The following KLF17 variants were observed in gnomAD, a reference collection of about 807,000 sequenced individuals.
KLF17 encodes Krueppel-like factor 17.
A neutral mutation model predicts 34.2 loss-of-function variants in KLF17; 31 were observed. The observed-to-expected ratio is 0.91, with a 90% CI of 0.68 to 1.22. The LOEUF (loss-of-function observed/expected upper bound fraction) is 1.22. KLF17 is among the 50% of genes most tolerant of loss of function. The pLI, the probability that KLF17 is intolerant of heterozygous loss-of-function variation, is 0.00. For missense variants in KLF17, 478 were observed against 505.2 expected (o/e 0.95, Z 0.52); for synonymous variants, 179 against 186.7 (o/e 0.96, Z 0.34).
the KLF17 span, among the ~76,000 whole-genome samples, chr1:44,050,778 G>A: frequency 1.3e-5 from 2 of 152,164 alleles, no homozygotes; most frequent in African/African-American, 2.4e-5. Flanking sequence ...TTAGCCAGGC[G>A]TGGTGGTGTG....
the KLF17 span, among the ~76,000 whole-genome samples, chr1:44,063,959 G>C: frequency 6.6e-6 from 1 of 152,168 alleles, no homozygotes; most frequent in African/African-American, 2.4e-5. Flanking sequence ...CGGGAGGATT[G>C]AGTGCAATTC....
chr1:44,089,865 G>T, the KLF17 span, among the ~76,000 whole-genome samples: 4 of 152,042 alleles, frequency 2.6e-5, no homozygotes, highest in African/African-American at 9.7e-5. Context: ...GTTGAGTAGT[G>T]TGATAGACAG....
At chr1:44,055,138 G>C in the KLF17 span, among the ~76,000 whole-genome samples, 6 of 152,152 alleles carry the variant, frequency 3.9e-5, no homozygotes, top group Non-Finnish European at 7.4e-5. Context: ...GGCTTAAAGG[G>C]GAGTCTGAGA....
the KLF17 span, among the ~76,000 whole-genome samples, chr1:44,109,122 T>C: frequency 6.6e-6 from 1 of 152,172 alleles, no homozygotes; most frequent in Non-Finnish European, 1.5e-5. Flanking sequence ...GTTATAAAAA[T>C]GAAGCTGCAA....
chr1:44,122,081 T>C, intron 1 of KLF17: 1 of 923,092 alleles, frequency 1.1e-6, no homozygotes, highest in Non-Finnish European at 1.7e-6. Flanking sequence ...TATTAAAAAC[T>C]GACATAAACA....
At chr1:44,099,278 C>T in the KLF17 span, among the ~76,000 whole-genome samples, 1 of 151,780 alleles carries the variant, frequency 6.6e-6, no homozygotes, top group African/African-American at 2.4e-5. Context: ...GTGGCTCACA[C>T]CTGTGGTACC....
At position 44,130,133 on chromosome 1, in the gene KLF17, G is replaced by C. The variant is rs766222742; in HGVS notation, c.862G>C (p.Glu288Gln). Reference protein sequence around the residue: ...SEARPYCCNYENCGKAYTKRS... With the variant: ...SEARPYCCNYQNCGKAYTKRS... ...GGCAAGGCCTTACTGCTGCAACTAC[G>C]AGAACTGCGGAAAAGCTTATACCAA... Residue 288 changes from glutamate (E) to glutamine (Q), a missense_variant, in exon 2 of 4, where the codon GAG becomes CAG. Physicochemically the swap from Glu to Gln is conservative, Grantham distance 29. Transcript: ENST00000372299. 4.3e-6 allele frequency: 7 copies of C among 1,614,086 alleles called. No individual in the cohort carries two copies. Among genetic ancestry groups the C allele is most frequent in the East Asian group, 2.2e-5 (1 of 44,896 alleles).
At chr1:44,105,507 T>C in the KLF17 span, 48,361 of 151,994 alleles carry the variant, frequency 0.32, 7,841 homozygotes, top group South Asian at 0.36. Flanking sequence ...CAGTGTGGCC[T>C]GGGAAAGGTG....
chr1:44,058,021 C>G, the KLF17 span, among the ~76,000 whole-genome samples: 1 of 152,160 alleles, frequency 6.6e-6, no homozygotes, highest in Non-Finnish European at 1.5e-5. Flanking sequence ...GAACAGAAAA[C>G]GCATTAGAAG....
At position 44,129,680 on chromosome 1, in the gene KLF17, G is replaced by C. The variant is rs200960950; in HGVS notation, c.409G>C (p.Glu137Gln). The change falls in exon 2 of 4, where the codon GAG (glutamate) becomes CAG (glutamine). Residue 137 changes from glutamate to glutamine, a missense_variant. Transcript: ENST00000372299. ...TGGGCCCCAACTAATGCCCGTAGGA[G>C]AGCCCAATATTCCAAGGGTAGCCAG... ...FSGPQLMPVG[E>Q]PNIPRVARPF... is the part of the protein sequence containing the mutation. 192 of 1,614,082 alleles carry C rather than the reference G, an allele frequency of 1.2e-4. 1 individual carries two copies. The highest frequency in any genetic ancestry group is 5.5e-5 in the Non-Finnish European group (65 of 1,180,042).
the KLF17 span, among the ~76,000 whole-genome samples, chr1:44,052,870 A>G: frequency 6.6e-6 from 1 of 152,098 alleles, no homozygotes; most frequent in Non-Finnish European, 1.5e-5. Context: ...GTTCTATATA[A>G]ATTGGCAAGC....
At chr1:44,082,575 C>T in the KLF17 span, among the ~76,000 whole-genome samples, 3 of 152,154 alleles carry the variant, frequency 2.0e-5, no homozygotes, top group African/African-American at 7.2e-5. Context: ...AGAACAGATT[C>T]AACACTCAGA....
chr1:44,054,812 C>CTCTG, the KLF17 span, among the ~76,000 whole-genome samples: 1 of 123,414 alleles, frequency 8.1e-6, no homozygotes, highest in Non-Finnish European at 1.6e-5. Context: ...CGGAGTCTTA[C>CTCTG]TCTGTCACCC....
chr1:44,058,946 C>G, the KLF17 span, among the ~76,000 whole-genome samples: 3 of 152,036 alleles, frequency 2.0e-5, no homozygotes, highest in Admixed American at 6.5e-5. Flanking sequence ...CACAATCAAC[C>G]AGGAGACTTA....
chr1:44,087,802 GCATATATAAACACACACACACACA>G, the KLF17 span, among the ~76,000 whole-genome samples: 3 of 60,328 alleles, frequency 5.0e-5, no homozygotes, highest in Non-Finnish European at 7.5e-5. Flanking sequence ...ACACACACAC[GCATATATAAACACACACACACACA>G]CATATATATA....
At chr1:44,089,722 G>A in the KLF17 span, among the ~76,000 whole-genome samples, 231 of 152,240 alleles carry the variant, frequency 1.5e-3, no homozygotes, top group African/African-American at 5.2e-3. Flanking sequence ...TGTCCAAATC[G>A]GAATCGCTTC....
the KLF17 span, among the ~76,000 whole-genome samples, chr1:44,057,162 C>T: frequency 1.3e-5 from 2 of 151,972 alleles, no homozygotes; most frequent in African/African-American, 4.8e-5. Context: ...GGCTAGCCAA[C>T]AAGAGATCAT....
the KLF17 span, among the ~76,000 whole-genome samples, chr1:44,073,259 T>C: frequency 6.7e-6 from 1 of 149,266 alleles, no homozygotes; most frequent in East Asian, 2.0e-4. Flanking sequence ...CAGGTTGGAG[T>C]GCAATGGTGC....
the KLF17 span, among the ~76,000 whole-genome samples, chr1:44,096,272 G>C: frequency 6.6e-6 from 1 of 152,016 alleles, no homozygotes; most frequent in East Asian, 1.9e-4. Flanking sequence ...CTAAATCTAA[G>C]ATTATATTGT....
Sources: allele counts gnomAD v4.1 joint callset (sites outside exome capture counted in the v4.1 genomes callset), GRCh38; gene constraint gnomAD v4.1.1; transcripts MANE v1.5; gene names NCBI Gene and HGNC (gene_info 2026-07-23, HGNC 2026-07-21).